Variants in CDH18 observed in about 807,000 individuals in gnomAD.
CDH18 encodes the protein cadherin-18.
Under a neutral mutation model 67.9 loss-of-function variants are expected in CDH18, and 31 were observed. The observed-to-expected ratio is 0.46, with a 90% CI of 0.34 to 0.62. The LOEUF is 0.62. CDH18 is among the 20% of genes least tolerant of loss of function. The pLI is 0.01. For missense variants in CDH18, 890 were observed against 975.5 expected (o/e 0.91, Z 1.17); for synonymous variants, 362 against 347.2 (o/e 1.04, Z -0.48).
At chr5:19,822,579 C>A (rs970075808) in intron 3 of CDH18, among the ~76,000 whole-genome samples, 4 of 152,080 alleles carry the variant, frequency 2.6e-5, no homozygotes, top group Middle Eastern at 3.2e-3. Context: ...TTCCGTGATG[C>A]CCCACAAGCC....
At chr5:20,115,861 T>C (rs111702712) in intron 2 of CDH18, among the ~76,000 whole-genome samples, 181 of 152,244 alleles carry the variant, frequency 1.2e-3, no homozygotes, top group African/African-American at 4.0e-3. Flanking sequence ...CCATGATTAT[T>C]CTTTTGTAGA....
chr5:20,374,518 A>T (rs2150089556), intron 1 of CDH18, among the ~76,000 whole-genome samples: 1 of 152,284 alleles, frequency 6.6e-6, no homozygotes, highest in Middle Eastern at 3.4e-3. Flanking sequence ...GTTTTACAAA[A>T]TATTGTAAAG....
intron 5 of CDH18, among the ~76,000 whole-genome samples, chr5:19,621,926 C>T (rs2150144269): frequency 6.6e-6 from 1 of 152,290 alleles, no homozygotes; most frequent in South Asian, 2.1e-4. Context: ...TAGTCACATC[C>T]TTCTGCTTTC....
chr5:19,650,275 C>A (rs1480344263), intron 5 of CDH18, among the ~76,000 whole-genome samples: 1 of 119,998 alleles, frequency 8.3e-6, no homozygotes, highest in Non-Finnish European at 1.8e-5. Flanking sequence ...AAACATTGGG[C>A]TTAAAATTTC....
At chr5:20,306,041 C>T (rs1211316665) in intron 1 of CDH18, among the ~76,000 whole-genome samples, 1 of 152,072 alleles carries the variant, frequency 6.6e-6, no homozygotes, top group Non-Finnish European at 1.5e-5. Flanking sequence ...CGTGTTAAAT[C>T]GTTTGCTGAG....
In CDH18 at chr5:20,480,407, TAG is replaced by T. The variant is rs1215579809; in HGVS notation, c.-580+95053_-580+95054del. Among the ~76,000 whole-genome samples the T allele has an allele frequency of 4.6e-5, 7 of 151,894 alleles. No individual in the cohort carries two copies. The East Asian group carries it at 5.8e-4, about 13-fold the overall frequency. ...AATAAGGAGGAATTATGCTAAAGTG[TAG>T]AGTCTTTTTGTTTTTGTTTTTGTTT... On this transcript the variant is annotated intron_variant, in intron 1 of 14. Transcript: ENST00000507958.
At chr5:19,669,668 T>G (rs764408746) in intron 5 of CDH18, among the ~76,000 whole-genome samples, 5 of 152,138 alleles carry the variant, frequency 3.3e-5, no homozygotes, top group Admixed American at 6.6e-5. Flanking sequence ...AGTATCTCAT[T>G]AATAGATCTA....
chr5:19,708,951 C>T (rs535466470), intron 5 of CDH18, among the ~76,000 whole-genome samples: 3 of 151,762 alleles, frequency 2.0e-5, no homozygotes, highest in South Asian at 2.1e-4. Context: ...TCAGCATCAG[C>T]GAGACAAGAT....
intron 1 of CDH18, among the ~76,000 whole-genome samples, chr5:20,294,751 T>A (rs1747358197): frequency 6.6e-6 from 1 of 152,226 alleles, no homozygotes; most frequent in South Asian, 2.1e-4. Context: ...TAGCATGGTT[T>A]ACAAAATTAA....
intron 2 of CDH18, among the ~76,000 whole-genome samples, chr5:19,894,360 T>C (rs955612224): frequency 1.3e-5 from 2 of 152,024 alleles, no homozygotes; most frequent in African/African-American, 4.8e-5. Flanking sequence ...ACCAGTTAAA[T>C]AGATACATTT....
intron 1 of CDH18, among the ~76,000 whole-genome samples, chr5:20,269,119 T>C (rs1030343522): frequency 6.6e-6 from 1 of 151,860 alleles, no homozygotes; most frequent in East Asian, 1.9e-4. Flanking sequence ...GGCCAACACA[T>C]AAATGTGAAA....
At chr5:20,131,512 T>A (rs1749263669) in intron 2 of CDH18, among the ~76,000 whole-genome samples, 1 of 152,108 alleles carries the variant, frequency 6.6e-6, no homozygotes, top group African/African-American at 2.4e-5. Context: ...AGCAGTCCAC[T>A]AAAAGCAAAA....
At chr5:19,615,931 C>T (rs969574705) in intron 5 of CDH18, among the ~76,000 whole-genome samples, 1 of 152,170 alleles carries the variant, frequency 6.6e-6, no homozygotes, top group African/African-American at 2.4e-5. Flanking sequence ...TATTTACTCA[C>T]TTACTGAAGG....
intron 2 of CDH18, among the ~76,000 whole-genome samples, chr5:20,143,692 G>T (rs1248069071): frequency 1.3e-5 from 2 of 152,174 alleles, no homozygotes; most frequent in Admixed American, 1.3e-4. Flanking sequence ...TAAGCAAAGT[G>T]TTGAAGGCAT....
At chr5:20,527,275 T>A (rs1289938649) in intron 1 of CDH18, among the ~76,000 whole-genome samples, 1 of 151,880 alleles carries the variant, frequency 6.6e-6, no homozygotes, top group Non-Finnish European at 1.5e-5. Context: ...AAAGACTGAA[T>A]CTGTGATGGA....
chr5:20,557,301 AT>A (rs1757957712), intron 1 of CDH18, among the ~76,000 whole-genome samples: 1 of 152,082 alleles, frequency 6.6e-6, no homozygotes, highest in African/African-American at 2.4e-5. Context: ...GGCGAAAAAA[AT>A]GTAAGTAAAG....
intron 2 of CDH18, among the ~76,000 whole-genome samples, chr5:20,241,182 T>C (rs1264829370): frequency 6.6e-6 from 1 of 152,142 alleles, no homozygotes; most frequent in Non-Finnish European, 1.5e-5. Context: ...AAGTATTACG[T>C]TATTAACTTC....
chr5:19,786,753 A>T (rs1325482621), intron 3 of CDH18, among the ~76,000 whole-genome samples: 2 of 152,012 alleles, frequency 1.3e-5, no homozygotes, highest in Non-Finnish European at 2.9e-5. Context: ...CCTAGAGAAA[A>T]TCCTAGAATC....
intron 6 of CDH18, 149 bp downstream of exon 6, chr5:19,612,285 T>A (rs1170718153): frequency 3.0e-6 from 2 of 674,362 alleles, no homozygotes; most frequent in Non-Finnish European, 4.9e-6. Context: ...AGTGATTTCA[T>A]GAGTCTTACA....
Sources: allele counts gnomAD v4.1 joint callset (sites outside exome capture counted in the v4.1 genomes callset), GRCh38; gene constraint gnomAD v4.1.1; transcripts MANE v1.5; gene names NCBI Gene and HGNC (gene_info 2026-07-23, HGNC 2026-07-21).